GNAL: variants seen among roughly 807,000 people sequenced by gnomAD.
GNAL encodes guanine nucleotide-binding protein G(olf) subunit alpha.
GNAL carries 18 observed loss-of-function variants against 55.1 expected under a neutral mutation model. That is an observed-to-expected ratio of 0.33 (90% CI 0.23 to 0.48). The LOEUF (loss-of-function observed/expected upper bound fraction) is 0.48. Ranked by LOEUF, GNAL falls within the 20% of genes least tolerant of loss-of-function variation. The probability of loss-of-function intolerance (pLI) is 0.99; values close to 1 mark genes in which losing one functional copy is unlikely to be tolerated. For missense variants in GNAL, 412 were observed against 614.1 expected, an observed-to-expected ratio of 0.67 and a Z score of 3.48; for synonymous variants, 253 against 237.0, an observed-to-expected ratio of 1.07 and a Z score of -0.62.
intron 5 of GNAL, among the ~76,000 whole-genome samples, chr18:11,840,775 C>T (rs935118656): frequency 1.3e-5 from 2 of 152,032 alleles, no homozygotes; most frequent in African/African-American, 2.4e-5. Flanking sequence ...AGGAAGCACC[C>T]GGAGGCCTCC....
intron 4 of GNAL, among the ~76,000 whole-genome samples, chr18:11,819,521 A>G (rs77656827): frequency 0.011 from 1,741 of 152,246 alleles, 30 homozygotes; most frequent in African/African-American, 0.037. Flanking sequence ...AATATAAATA[A>G]CAAATATTCA....
intron 1 of GNAL, 96 bp downstream of exon 1, chr18:11,690,035 AGCGGCGGCGGGAGGG>A: frequency 4.4e-5 from 30 of 685,070 alleles, no homozygotes; most frequent in African/African-American, 7.9e-5. Context: ...GGCACCGGGG[AGCGGCGGCGGGAGGG>A]GCTCCTGAAT....
At chr18:11,701,904 A>G (rs11661596) in intron 1 of GNAL, among the ~76,000 whole-genome samples, 1,563 of 152,296 alleles carry the variant, frequency 0.01, 8 homozygotes, top group Middle Eastern at 0.017. Flanking sequence ...CCATGATGGG[A>G]AGGTGGAGAT....
At chr18:11,800,564 G>A (rs539525715) in intron 4 of GNAL, among the ~76,000 whole-genome samples, 2 of 152,286 alleles carry the variant, frequency 1.3e-5, no homozygotes, top group South Asian at 2.1e-4. Flanking sequence ...AGAAGCCCAC[G>A]GAATGAAAGA....
chr18:11,782,591 T>C (rs1312578425), intron 4 of GNAL, among the ~76,000 whole-genome samples: 1 of 152,116 alleles, frequency 6.6e-6, no homozygotes, highest in Non-Finnish European at 1.5e-5. Flanking sequence ...AGATGGGGTA[T>C]GGAAGAGATC....
At chr18:11,877,051 G>A (rs12957261) in intron 11 of GNAL, among the ~76,000 whole-genome samples, 16,351 of 152,224 alleles carry the variant, frequency 0.11, 1,275 homozygotes, top group African/African-American at 0.22. Flanking sequence ...CAGGCTGATG[G>A]TTTATGTAAA....
intron 4 of GNAL, among the ~76,000 whole-genome samples, chr18:11,755,510 C>T (rs938553081): frequency 1.7e-4 from 26 of 152,174 alleles, no homozygotes; most frequent in African/African-American, 6.0e-4. Context: ...CTCCTGACCT[C>T]ATGATCCACC....
At chr18:11,732,849 A>G (rs924254835) in intron 1 of GNAL, among the ~76,000 whole-genome samples, 4 of 152,242 alleles carry the variant, frequency 2.6e-5, no homozygotes, top group Non-Finnish European at 5.9e-5. Flanking sequence ...AGCTACAGCA[A>G]TCACATAAGC....
intron 1 of GNAL, among the ~76,000 whole-genome samples, chr18:11,703,684 C>A (rs898121401): frequency 2.6e-5 from 4 of 152,118 alleles, no homozygotes; most frequent in Admixed American, 2.0e-4. Flanking sequence ...CTTTCAGATC[C>A]ATTTCCGTTT....
chr18:11,761,922 A>G (rs2033256652), intron 4 of GNAL, among the ~76,000 whole-genome samples: 2 of 152,300 alleles, frequency 1.3e-5, no homozygotes, highest in Admixed American at 6.5e-5. Context: ...TTCTTGTTCT[A>G]ATTTGCACAC....
intron 1 of GNAL, among the ~76,000 whole-genome samples, chr18:11,738,702 G>A (rs1275003814): frequency 6.6e-6 from 1 of 152,112 alleles, no homozygotes. Flanking sequence ...GCCTGCCTCG[G>A]CCTCCCAGAG....
chr18:11,695,773 G>C (rs937825141), intron 1 of GNAL, among the ~76,000 whole-genome samples: 7 of 152,058 alleles, frequency 4.6e-5, no homozygotes, highest in Admixed American at 3.9e-4. Flanking sequence ...TCTCTGTCTG[G>C]AATACATCTT....
At chr18:11,774,859 A>G (rs1409594962) in intron 4 of GNAL, among the ~76,000 whole-genome samples, 3 of 152,178 alleles carry the variant, frequency 2.0e-5, no homozygotes, top group African/African-American at 7.2e-5. Context: ...GTTTAGGTCG[A>G]TAGACATTGC....
chr18:11,807,889 G>A (rs1459139625), intron 4 of GNAL, among the ~76,000 whole-genome samples: 1 of 152,152 alleles, frequency 6.6e-6, no homozygotes, highest in African/African-American at 2.4e-5. Context: ...TTCACGGGGA[G>A]GGTGTAGTCA....
At chr18:11,707,812 TC>T (rs2031748828) in intron 1 of GNAL, among the ~76,000 whole-genome samples, 1 of 152,246 alleles carries the variant, frequency 6.6e-6, no homozygotes, top group Admixed American at 6.5e-5. Context: ...TGGTTAACTT[TC>T]TATATTAGCA....
At chr18:11,869,032 A>C (rs2036330092) in intron 9 of GNAL, among the ~76,000 whole-genome samples, 1 of 151,088 alleles carries the variant, frequency 6.6e-6, no homozygotes, top group South Asian at 2.1e-4. Context: ...ACCTACACCC[A>C]CACCCACACA....
chr18:11,776,089 C>G lies in GNAL; in HGVS notation c.624+22144C>G, dbSNP rs142337500. On this transcript the variant is annotated intron_variant, in intron 4 of 11. Transcript: ENST00000334049. ...GCCCAACTGATAGCTAAAAAATCAA[C>G]AGCATCCGCCTCCAGAGCGCCTCTT... is the stretch of plus-strand genomic sequence containing the variant. 5.9e-5 allele frequency among the ~76,000 whole-genome samples: 9 copies of G among 152,326 alleles called. No individual in the cohort carries two copies. In the East Asian group the frequency reaches 1.5e-3, roughly 26 times the overall value.
intron 4 of GNAL, among the ~76,000 whole-genome samples, chr18:11,764,809 G>A (rs2033355860): frequency 6.6e-6 from 1 of 152,078 alleles, no homozygotes; most frequent in Non-Finnish European, 1.5e-5. Flanking sequence ...AAAAGAAAAT[G>A]GATGTAAGTT....
At chr18:11,732,978 G>T (rs2032373693) in intron 1 of GNAL, among the ~76,000 whole-genome samples, 1 of 152,236 alleles carries the variant, frequency 6.6e-6, no homozygotes, top group African/African-American at 2.4e-5. Context: ...TCTGGGCAGT[G>T]ATTAACTGAT....
Sources: gnomAD v4.1 joint callset for allele counts (sites outside exome capture counted in the v4.1 genomes callset) on GRCh38, gnomAD v4.1.1 for gene constraint, MANE v1.5 for transcripts, NCBI Gene and HGNC (gene_info 2026-07-23, HGNC 2026-07-21) for gene names.